Variants in ASMTL observed in about 807,000 individuals in gnomAD.
ASMTL encodes acetylserotonin O-methyltransferase like.
ASMTL carries 57 observed loss-of-function variants against 60.3 expected under a neutral mutation model. The ratio of observed to expected loss-of-function variants is 0.95; its 90% CI spans 0.76 to 1.18. The LOEUF is 1.18. Among genes scored for constraint, ASMTL ranks in the 50% most tolerant of loss-of-function variants. The pLI, the probability that ASMTL is intolerant of heterozygous loss-of-function variation, is 0.00. For missense variants in ASMTL, 981 were observed against 852.6 expected (o/e 1.15, Z -1.88); for synonymous variants, 419 against 373.0 (o/e 1.12, Z -1.42).
chrX:1,411,168 A>C (rs28663538), intron 12 of ASMTL, among the ~76,000 whole-genome samples: 131,782 of 151,572 alleles, frequency 0.87, 57,429 homozygotes, highest in Middle Eastern at 0.97. Context: ...TGGGCGACAG[A>C]GCGAGACTCC....
intron 6 of ASMTL, 190 bp from the exon 7 acceptor site, chrX:1,428,311 C>A: frequency 5.4e-6 from 1 of 186,544 alleles, no homozygotes; most frequent in Non-Finnish European, 8.8e-6. Context: ...GGGCAGGCGC[C>A]TTTGGCATCT....
intron 10 of ASMTL, among the ~76,000 whole-genome samples, chrX:1,418,353 T>TCC (rs1358316533): frequency 6.6e-6 from 1 of 150,998 alleles, no homozygotes; most frequent in African/African-American, 2.5e-5. Context: ...AGGGCTGTAC[T>TCC]CCCTTCTCCT....
At chrX:1,434,383 T>C (rs768284075) in intron 5 of ASMTL, among the ~76,000 whole-genome samples, 386 of 150,570 alleles carry the variant, frequency 2.6e-3, no homozygotes, top group African/African-American at 9.0e-3. Flanking sequence ...TCTGTGACTG[T>C]AGGGGCTGAG....
In ASMTL at chrX:1,421,820, C is replaced by T. The variant is rs371730594; in HGVS notation, c.1083G>A (p.Ala361=). 293 of 1,613,816 alleles carry T rather than the reference C, an allele frequency of 1.8e-4. No individual in the cohort carries two copies. The African/African-American group carries it at 2.1e-3, about 12-fold the overall frequency. Residue 361 remains alanine (A), a synonymous_variant, in exon 9 of 13, where the codon GCG becomes GCA. Coordinates refer to ENST00000381317, the MANE Select transcript of ASMTL (RefSeq NM_004192.4). The part of the protein sequence containing the change: ...TEQGYSNTET[A]NVYLASDGEY... ...CGCCATCCGATGCCAGGTAGACGTT[C>T]GCTGTCTCTGTGTTACTGTAACCTG... is the stretch of plus-strand genomic sequence containing the variant.
chrX:1,411,296 C>T (rs772196274), intron 12 of ASMTL, among the ~76,000 whole-genome samples: 166 of 152,282 alleles, frequency 1.1e-3, no homozygotes, highest in Middle Eastern at 6.8e-3. Context: ...CCTGTTTCAA[C>T]GCGCAGGTGC....
chrX:1,448,381 C>A (rs2091276483), intron 1 of ASMTL, among the ~76,000 whole-genome samples: 1 of 151,156 alleles, frequency 6.6e-6, no homozygotes, highest in Non-Finnish European at 1.5e-5. Flanking sequence ...GGACAAGCAC[C>A]ACCATCTTGG....
At chrX:1,412,495 T>A (rs2090067310) in intron 12 of ASMTL, among the ~76,000 whole-genome samples, 1 of 152,164 alleles carries the variant, frequency 6.6e-6, no homozygotes, top group Non-Finnish European at 1.5e-5. Context: ...CCCAAAGTGC[T>A]GGGATTATAG....
intron 6 of ASMTL, chrX:1,428,326 A>G (rs1442489052): frequency 7.9e-6 from 1 of 125,862 alleles, no homozygotes; most frequent in Non-Finnish European, 1.4e-5. Flanking sequence ...GCATCTCAAA[A>G]AAAAAAAAAA....
intron 1 of ASMTL, among the ~76,000 whole-genome samples, chrX:1,451,996 G>T (rs1452499231): frequency 2.1e-5 from 3 of 142,878 alleles, no homozygotes; most frequent in Non-Finnish European, 1.5e-5. Context: ...ATCGCTAGGG[G>T]GTCCCAGGTT....
intron 2 of ASMTL, chrX:1,441,655 G>GAGA (rs1426853786): frequency 6.6e-6 from 1 of 152,328 alleles, no homozygotes; most frequent in African/African-American, 2.4e-5. Flanking sequence ...TCAATTGCAA[G>GAGA]AGAATATTAT....
At chrX:1,403,628 CAGGT>C in intron 12 of ASMTL, 139 bp from the exon 13 acceptor site, 1 of 711,132 alleles carries the variant, frequency 1.4e-6, no homozygotes, top group Non-Finnish European at 2.4e-6. Flanking sequence ...GGGGCCCACA[CAGGT>C]AGGGGAGGGG....
At chrX:1,413,966 C>G (rs1324523653) in intron 11 of ASMTL, 8 of 151,830 alleles carry the variant, frequency 5.3e-5, no homozygotes, top group African/African-American at 1.9e-4. Context: ...TGTCCAAGTC[C>G]TAAGCCCCAG....
rs3203702 is a variant in ASMTL, at chrX:1,425,649, C to T, written c.936G>A (p.Leu312=). ...CCTTCTGGGGTGCTTCATCTTTTAA[C>T]AAATCGAACACCTTCAGTTTGCAAG... ...LTACKLKVFD[L]LKDEAPQKAA... is the part of the protein sequence containing the mutation. The change falls in exon 8 of 13, where the codon TTG becomes TTA. Residue 312 remains leucine, a synonymous_variant. Coordinates refer to ENST00000381317, the MANE Select transcript of ASMTL (RefSeq NM_004192.4). 7,167 of 1,613,712 alleles carry T rather than the reference C, an allele frequency of 4.4e-3. 285 individuals are homozygous for T. In the African/African-American group the frequency reaches 0.087, roughly 20 times the overall value.
At chrX:1,423,496 T>G (rs781079738) in intron 8 of ASMTL, among the ~76,000 whole-genome samples, 31 of 152,234 alleles carry the variant, frequency 2.0e-4, no homozygotes, top group African/African-American at 7.0e-4. Context: ...TCTAGCACCA[T>G]GCTGAAGAGT....
intron 5 of ASMTL, among the ~76,000 whole-genome samples, chrX:1,433,307 G>T (rs1250330702): frequency 1.3e-5 from 2 of 151,886 alleles, no homozygotes; most frequent in African/African-American, 2.4e-5. Context: ...GGAACAGGGG[G>T]AGGGGGCTGG....
intron 12 of ASMTL, among the ~76,000 whole-genome samples, chrX:1,408,155 G>A (rs1206438206): frequency 1.9e-5 from 2 of 103,794 alleles, no homozygotes; most frequent in African/African-American, 6.2e-5. Flanking sequence ...GAACTATGAT[G>A]GCAACACTGC....
rs1252740198 is a variant in ASMTL at position 1,403,197 on chromosome X, G to T, written c.*72C>A. On this transcript the variant is annotated 3_prime_UTR_variant, in exon 13 of 13. Transcript: ENST00000381317. ...CACGCTCCTATGTGACTGTCCTATGGTACTTGGGGACCGGGCGGTCCACCT... is the reference window on the plus strand; with the variant it reads ...CACGCTCCTATGTGACTGTCCTATGTTACTTGGGGACCGGGCGGTCCACCT... 2.5e-5 allele frequency: 32 copies of T among 1,265,308 alleles called. No homozygotes were observed. The highest frequency in any genetic ancestry group is 8.9e-5 in the Admixed American group (5 of 56,408). 78.4% of individuals were successfully genotyped at this position (1,265,308 alleles called of 1,614,324 possible). A position where few individuals can be genotyped will look rare whatever the true frequency, so the allele number is the denominator to read the frequency against.
chrX:1,433,573 G>A (rs1390743501), intron 5 of ASMTL, among the ~76,000 whole-genome samples: 2 of 151,446 alleles, frequency 1.3e-5, no homozygotes, highest in East Asian at 1.9e-4. Context: ...CCAGCTACTC[G>A]GGAGGCTGAG....
At chrX:1,431,491 CTACT>C (rs200878599) in intron 6 of ASMTL, among the ~76,000 whole-genome samples, 29,691 of 138,324 alleles carry the variant, frequency 0.21, 3,874 homozygotes, top group Non-Finnish European at 0.29. Context: ...ATATTAATCA[CTACT>C]TATTAAAATT....
Sources: allele counts gnomAD v4.1 joint callset (sites outside exome capture counted in the v4.1 genomes callset), GRCh38; gene constraint gnomAD v4.1.1; transcripts MANE v1.5; gene names NCBI Gene and HGNC (gene_info 2026-07-23, HGNC 2026-07-21).